The following QPCT variants were observed in gnomAD, a reference collection of about 807,000 sequenced individuals.
QPCT encodes EC.
In QPCT, 44 loss-of-function variants were observed where a neutral mutation model predicts 43.4. That is an observed-to-expected ratio of 1.01 (90% CI 0.80 to 1.30). The LOEUF (loss-of-function observed/expected upper bound fraction) is 1.30. Among genes scored for constraint, QPCT ranks in the 50% most tolerant of loss-of-function variants. QPCT has a pLI of 0.00. For missense variants in QPCT, 526 were observed against 436.5 expected, an observed-to-expected ratio of 1.21 and a Z score of -1.83; for synonymous variants, 168 against 168.4, an observed-to-expected ratio of 1.00 and a Z score of 0.02.
rs142729605 is a variant in QPCT, at chr2:37,353,258, G to C, written c.267+323G>C. 8.9e-4 allele frequency among the ~76,000 whole-genome samples: 135 copies of C among 152,266 alleles called. 2 individuals are homozygous for C. Among genetic ancestry groups the C allele is most frequent in the South Asian group, 4.8e-3 (23 of 4,826 alleles). The stretch of plus-strand genomic sequence containing the variant: ...AATCCTAAACAATGAACAGCAACAG[G>C]CTTAGGGAGTCCTTGCTTGAAGGTT... On this transcript the variant is annotated intron_variant, in intron 2 of 6. Coordinates refer to ENST00000338415, the MANE Select transcript of QPCT (RefSeq NM_012413.4).
At chr2:37,371,196 A>G (rs556219288) in intron 5 of QPCT, among the ~76,000 whole-genome samples, 1 of 152,178 alleles carries the variant, frequency 6.6e-6, no homozygotes, top group Non-Finnish European at 1.5e-5. Context: ...CCTTACTTTG[A>G]TGGTAGCCTT....
At chr2:37,358,831 T>A (rs1322329578) in intron 2 of QPCT, 4 of 152,166 alleles carry the variant, frequency 2.6e-5, no homozygotes, top group Non-Finnish European at 5.9e-5. Flanking sequence ...TGAGCGGAGG[T>A]CTGAAATAAC....
At position 37,344,661 on chromosome 2, in the gene QPCT, G is replaced by T; in HGVS notation, c.-71G>T. On this transcript the variant is annotated 5_prime_UTR_variant, in exon 1 of 7. Coordinates refer to ENST00000338415, the MANE Select transcript of QPCT (RefSeq NM_012413.4). ...CCCAAGGGTGGAGAAGAGGGAAGGC[G>T]AAGGACGCGCGTTCCCGGGCTCGTG... 1 of 1,531,732 alleles carries T rather than the reference G, an allele frequency of 6.5e-7. No individual in the cohort carries two copies. The highest frequency in any genetic ancestry group is 8.8e-7 in the Non-Finnish European group (1 of 1,140,720). 94.9% of individuals were successfully genotyped at this position (1,531,732 alleles called of 1,614,324 possible).
intron 1 of QPCT, among the ~76,000 whole-genome samples, chr2:37,345,207 G>C (rs2270331): frequency 0.56 from 85,199 of 152,102 alleles, 24,133 homozygotes; most frequent in African/African-American, 0.62. Context: ...TCGGGACCCT[G>C]GAGGGCAACG....
intron 5 of QPCT, among the ~76,000 whole-genome samples, chr2:37,370,192 A>G (rs2124943244): frequency 6.6e-6 from 1 of 151,946 alleles, no homozygotes; most frequent in South Asian, 2.1e-4. Flanking sequence ...CTCAAAAAAG[A>G]AAAAAAAATT....
chr2:37,361,899 T>C (rs1217275321), intron 3 of QPCT, among the ~76,000 whole-genome samples: 1 of 152,230 alleles, frequency 6.6e-6, no homozygotes, highest in African/African-American at 2.4e-5. Flanking sequence ...AAGACCTTCA[T>C]ACATCAGGCC....
At chr2:37,348,225 A>G (rs986969383) in intron 1 of QPCT, among the ~76,000 whole-genome samples, 2 of 152,188 alleles carry the variant, frequency 1.3e-5, no homozygotes, top group Admixed American at 1.3e-4. Flanking sequence ...CTAGTTGGTA[A>G]GTATCATGAG....
At chr2:37,368,504 C>G in intron 4 of QPCT, 1 of 442,128 alleles carries the variant, frequency 2.3e-6, no homozygotes, top group South Asian at 1.7e-5. Context: ...CCAGCACCCC[C>G]GCTTATTCCT....
At chr2:37,358,276 A>G (rs1367813282) in intron 2 of QPCT, among the ~76,000 whole-genome samples, 1 of 152,072 alleles carries the variant, frequency 6.6e-6, no homozygotes, top group African/African-American at 2.4e-5. Context: ...AAAACAAAAA[A>G]ACCCACAAAA....
intron 1 of QPCT, among the ~76,000 whole-genome samples, chr2:37,348,063 CGTGTGTGTGTGT>C (rs10598967): frequency 2.0e-5 from 3 of 148,488 alleles, no homozygotes; most frequent in Non-Finnish European, 3.0e-5. Context: ...CGCGCGCACG[CGTGTGTGTGTGT>C]GTGTGTGTGT....
At chr2:37,348,420 A>G (rs1672553051) in intron 1 of QPCT, among the ~76,000 whole-genome samples, 1 of 152,178 alleles carries the variant, frequency 6.6e-6, no homozygotes, top group South Asian at 2.1e-4. Context: ...TGAATTTTTT[A>G]TATCAGTGGC....
chr2:37,347,207 C>CATATATATATAACATAT lies in QPCT; in HGVS notation c.120+2365_120+2366insTAACATATATATATATA, dbSNP rs1431421912. ...ATATATATATAACATATATATATAA[C>CATATATATATAACATAT]ATATATATAACATATATATATAACA... On this transcript the variant is annotated intron_variant, in intron 1 of 6. Transcript: ENST00000338415. 3.4e-3 allele frequency among the ~76,000 whole-genome samples: 98 copies of CATATATATATAACATAT among 28,964 alleles called. 10 individuals carry two copies. Among genetic ancestry groups the CATATATATATAACATAT allele is most frequent in the African/African-American group, 0.016 (90 of 5,678 alleles). The allele number at this position is 28,964 out of a possible 152,430, so 19.0% of individuals were successfully genotyped here.
At position 37,355,792 on chromosome 2, in the gene QPCT, G is replaced by A. The variant is rs149457097; in HGVS notation, c.267+2857G>A. Among the ~76,000 whole-genome samples, 132 of 152,200 alleles carry A rather than the reference G, an allele frequency of 8.7e-4. 2 individuals are homozygous for A. The East Asian group carries it at 0.022, about 26-fold the overall frequency. On this transcript the variant is annotated intron_variant, in intron 2 of 6. Coordinates refer to ENST00000338415, the MANE Select transcript of QPCT (RefSeq NM_012413.4). ...AAAATTAAAAAATTAGGATGATAAA[G>A]TCTCACAAATGGGCAAGCAATATCC...
chr2:37,365,077 G>GCACA (rs56740546), intron 3 of QPCT, among the ~76,000 whole-genome samples: 42 of 146,076 alleles, frequency 2.9e-4, no homozygotes, highest in Non-Finnish European at 4.2e-4. Flanking sequence ...ACACAACACA[G>GCACA]CACACACACA....
At chr2:37,344,989 C>T in intron 1 of QPCT, 138 bp downstream of exon 1, 2 of 1,302,516 alleles carry the variant, frequency 1.5e-6, no homozygotes, top group Non-Finnish European at 2.0e-6. Context: ...GGCGCCCCAC[C>T]CGGCGCCCGG....
chr2:37,354,039 A>G (rs2124933886), intron 2 of QPCT, among the ~76,000 whole-genome samples: 1 of 152,194 alleles, frequency 6.6e-6, no homozygotes, highest in East Asian at 1.9e-4. Context: ...TAATTTTTGT[A>G]TTTTTAGTAG....
At chr2:37,366,822 G>A (rs1672973392) in intron 3 of QPCT, among the ~76,000 whole-genome samples, 1 of 152,210 alleles carries the variant, frequency 6.6e-6, no homozygotes. Flanking sequence ...GGTCAGCACT[G>A]GATGTGGGAC....
intron 2 of QPCT, among the ~76,000 whole-genome samples, chr2:37,355,406 C>T (rs62133299): frequency 6.6e-4 from 99 of 149,430 alleles, no homozygotes; most frequent in Non-Finnish European, 1.2e-3. Flanking sequence ...TTTTTTTTCT[C>T]CTGAGGCCTT....
In QPCT at chr2:37,351,800, TG is replaced by T. The variant is rs1572729026; in HGVS notation, c.121-988del. On this transcript the variant is annotated intron_variant, in intron 1 of 6. Coordinates refer to ENST00000338415, the MANE Select transcript of QPCT (RefSeq NM_012413.4). ...GGGAGGCTGAGACAGGAGAATTGCT[TG>T]AACCCGGGAGGCAGAGGTTGCAGTG... is the stretch of plus-strand genomic sequence containing the variant. Among the ~76,000 whole-genome samples, 3 of 152,188 alleles carry T rather than the reference TG, an allele frequency of 2.0e-5. No homozygotes were observed. The East Asian group carries it at 5.8e-4, about 29-fold the overall frequency.
Sources: gnomAD v4.1 joint callset for allele counts (sites outside exome capture counted in the v4.1 genomes callset) on GRCh38, gnomAD v4.1.1 for gene constraint, MANE v1.5 for transcripts, NCBI Gene and HGNC (gene_info 2026-07-23, HGNC 2026-07-21) for gene names.